KCTD16: variants seen among roughly 807,000 people sequenced by gnomAD.
The protein encoded by KCTD16 is BTB/POZ domain-containing protein KCTD16.
Under a neutral mutation model 33.2 loss-of-function variants are expected in KCTD16, and 13 were observed. The ratio of observed to expected loss-of-function variants is 0.39; its 90% confidence interval spans 0.25 to 0.62. The LOEUF (loss-of-function observed/expected upper bound fraction) is 0.62. Ranked by LOEUF, KCTD16 falls within the 20% of genes least tolerant of loss-of-function variation. The pLI, the probability that KCTD16 is intolerant of heterozygous loss-of-function variation, is 0.50. For missense variants in KCTD16, 441 were observed against 525.1 expected (o/e 0.84, Z 1.57); for synonymous variants, 197 against 195.3 (o/e 1.01, Z -0.07).
intron 3 of KCTD16, among the ~76,000 whole-genome samples, chr5:144,444,694 A>G (rs1260806566): frequency 6.6e-6 from 1 of 151,882 alleles, no homozygotes; most frequent in Non-Finnish European, 1.5e-5. Context: ...CTTACTATCA[A>G]AAAATCTAAT....
intron 3 of KCTD16, among the ~76,000 whole-genome samples, chr5:144,239,083 G>T (rs979268272): frequency 6.6e-6 from 1 of 152,170 alleles, no homozygotes; most frequent in African/African-American, 2.4e-5. Context: ...TACTTGTTGT[G>T]TGATTTTTAG....
At chr5:144,214,907 A>T (rs138508385) in intron 3 of KCTD16, among the ~76,000 whole-genome samples, 59 of 152,318 alleles carry the variant, frequency 3.9e-4, no homozygotes, top group African/African-American at 1.4e-3. Context: ...AGTGCCTGGA[A>T]CAAATGTAGG....
chr5:144,239,613 A>G (rs890919158), intron 3 of KCTD16, among the ~76,000 whole-genome samples: 4 of 152,282 alleles, frequency 2.6e-5, no homozygotes, highest in African/African-American at 9.6e-5. Context: ...CACATAAAAT[A>G]TCATAGTTAT....
intron 3 of KCTD16, among the ~76,000 whole-genome samples, chr5:144,225,108 A>G (rs1277714628): frequency 6.6e-6 from 1 of 152,170 alleles, no homozygotes; most frequent in Non-Finnish European, 1.5e-5. Context: ...TGGCAATGCT[A>G]TCTTTTTCGA....
intron 3 of KCTD16, among the ~76,000 whole-genome samples, chr5:144,375,551 T>G (rs1032443946): frequency 1.3e-5 from 2 of 152,166 alleles, no homozygotes; most frequent in African/African-American, 4.8e-5. Flanking sequence ...AAGAGGACAG[T>G]ATTCCAGGTG....
chr5:144,356,454 A>C (rs1012409313), intron 3 of KCTD16, among the ~76,000 whole-genome samples: 4 of 152,098 alleles, frequency 2.6e-5, no homozygotes, highest in Admixed American at 2.0e-4. Flanking sequence ...TCATTGTGCA[A>C]GGAGAAAAAG....
intron 3 of KCTD16, among the ~76,000 whole-genome samples, chr5:144,309,365 A>ATT (rs567599397): frequency 3.7e-4 from 52 of 140,574 alleles, no homozygotes; most frequent in African/African-American, 1.0e-3. Context: ...TCTCCTCCAC[A>ATT]TTTTTTTTTT....
At chr5:144,240,484 C>T (rs1754373486) in intron 3 of KCTD16, among the ~76,000 whole-genome samples, 1 of 152,056 alleles carries the variant, frequency 6.6e-6, no homozygotes, top group African/African-American at 2.4e-5. Context: ...CATCCAGCCT[C>T]TTCTTTTGTT....
chr5:144,390,203 T>C (rs1752417714), intron 3 of KCTD16, among the ~76,000 whole-genome samples: 1 of 152,256 alleles, frequency 6.6e-6, no homozygotes, highest in East Asian at 1.9e-4. Flanking sequence ...TAATTTATCA[T>C]GGCTATCTGC....
intron 3 of KCTD16, among the ~76,000 whole-genome samples, chr5:144,373,470 G>C (rs1752015103): frequency 6.6e-6 from 1 of 152,036 alleles, no homozygotes; most frequent in Non-Finnish European, 1.5e-5. Context: ...AAGAATAAAA[G>C]ACTAATCCAG....
intron 3 of KCTD16, among the ~76,000 whole-genome samples, chr5:144,245,631 G>A (rs1754528442): frequency 6.6e-6 from 1 of 152,148 alleles, no homozygotes; most frequent in Non-Finnish European, 1.5e-5. Flanking sequence ...GGTCAGGTCT[G>A]GTGGGAGGTG....
chr5:144,332,836 G>A (rs1485427342), intron 3 of KCTD16, among the ~76,000 whole-genome samples: 1 of 152,172 alleles, frequency 6.6e-6, no homozygotes, highest in Non-Finnish European at 1.5e-5. Context: ...AGAACAAAAG[G>A]TTTAATGGAC....
intron 3 of KCTD16, among the ~76,000 whole-genome samples, chr5:144,334,590 G>A (rs1353675011): frequency 6.6e-5 from 10 of 152,116 alleles, no homozygotes; most frequent in Admixed American, 6.5e-4. Context: ...ATGATGTTAT[G>A]CACTTTGTCT....
At chr5:144,343,858 A>G (rs1055807348) in intron 3 of KCTD16, among the ~76,000 whole-genome samples, 4 of 152,168 alleles carry the variant, frequency 2.6e-5, no homozygotes, top group African/African-American at 9.7e-5. Context: ...ATTCAGGTGC[A>G]TTTGTTTAGT....
intron 3 of KCTD16, among the ~76,000 whole-genome samples, chr5:144,280,928 G>A (rs1250778374): frequency 6.6e-6 from 1 of 151,346 alleles, no homozygotes; most frequent in African/African-American, 2.4e-5. Context: ...GGTGGTGGGA[G>A]CCTGTAGTCC....
chr5:144,321,578 A>G (rs1268858616), intron 3 of KCTD16, among the ~76,000 whole-genome samples: 2 of 152,218 alleles, frequency 1.3e-5, no homozygotes, highest in Non-Finnish European at 2.9e-5. Flanking sequence ...TTCACTTGAC[A>G]TGCATCTTTC....
At chr5:144,382,660 C>T (rs1441613884) in intron 3 of KCTD16, among the ~76,000 whole-genome samples, 2 of 152,202 alleles carry the variant, frequency 1.3e-5, no homozygotes, top group Non-Finnish European at 2.9e-5. Context: ...AGCACCATGC[C>T]TGACATGTAG....
intron 2 of KCTD16, among the ~76,000 whole-genome samples, chr5:144,185,639 G>A (rs1752709534): frequency 6.6e-6 from 1 of 152,048 alleles, no homozygotes; most frequent in South Asian, 2.1e-4. Context: ...ACCTGGAGTA[G>A]GGGAGGGATA....
At chr5:144,312,966 C>T (rs17101775) in intron 3 of KCTD16, among the ~76,000 whole-genome samples, 12,178 of 152,200 alleles carry the variant, frequency 0.08, 1,585 homozygotes, top group African/African-American at 0.27. Context: ...CTCCGCTAAT[C>T]GCCTTGAGTT....
Sources: allele counts gnomAD v4.1 joint callset (sites outside exome capture counted in the v4.1 genomes callset), GRCh38; gene constraint gnomAD v4.1.1; transcripts MANE v1.5; gene names NCBI Gene and HGNC (gene_info 2026-07-23, HGNC 2026-07-21).